STARD4: variants seen among roughly 807,000 people sequenced by gnomAD.
STARD4 encodes StAR related lipid transfer domain containing 4, also known as stAR-related lipid transfer protein 4.
In STARD4, 33 loss-of-function variants were observed where a neutral mutation model predicts 24.9. The ratio of observed to expected loss-of-function variants is 1.32; its 90% confidence interval spans 1.00 to 1.77. The LOEUF is 1.77. STARD4 is among the 40% of genes most tolerant of loss of function. The pLI, the probability that STARD4 is intolerant of heterozygous loss-of-function variation, is 0.00. For synonymous variants in STARD4, 88 were observed against 77.4 expected, an observed-to-expected ratio of 1.14 and a Z score of -0.72; for missense variants, 238 against 249.3, an observed-to-expected ratio of 0.95 and a Z score of 0.31.
chr5:111,511,067 T>C (rs1367676682), intron 1 of STARD4, among the ~76,000 whole-genome samples: 1 of 152,234 alleles, frequency 6.6e-6, no homozygotes, highest in Non-Finnish European at 1.5e-5. Context: ...TAAATTAAAT[T>C]ATATTTTCTA....
intron 3 of STARD4, among the ~76,000 whole-genome samples, chr5:111,503,856 A>G (rs1756649730): frequency 1.3e-5 from 2 of 152,278 alleles, no homozygotes; most frequent in South Asian, 2.1e-4. Context: ...AGGTAGTATA[A>G]CACATATAAA....
chr5:111,499,860 C>A lies in STARD4; in HGVS notation c.*26G>T. On this transcript the variant is annotated 3_prime_UTR_variant, in exon 6 of 6. Transcript: ENST00000296632. The stretch of plus-strand genomic sequence containing the variant: ...TAGCTGAGAGAGTTGATCTGTAGTA[C>A]TACAAGTTTGAATGTATTTTGCCTC... 1 of 1,598,558 alleles carries A rather than the reference C, an allele frequency of 6.3e-7. No homozygotes were observed. Among genetic ancestry groups the A allele is most frequent in the Non-Finnish European group, 8.6e-7 (1 of 1,166,154 alleles).
chr5:111,501,583 T>C (rs1561535679), intron 4 of STARD4, among the ~76,000 whole-genome samples: 1 of 152,236 alleles, frequency 6.6e-6, no homozygotes, highest in Non-Finnish European at 1.5e-5. Context: ...TCTTTGGTCA[T>C]TGATGTTGGC....
intron 3 of STARD4, among the ~76,000 whole-genome samples, chr5:111,504,390 AAAG>A (rs950928723): frequency 3.3e-5 from 5 of 152,224 alleles, no homozygotes; most frequent in Non-Finnish European, 5.9e-5. Context: ...TTTAATAAAA[AAAG>A]GCAAATTACT....
At position 111,498,566 on chromosome 5, in the gene STARD4, A is replaced by G. The variant is rs989492901; in HGVS notation, c.*1320T>C. The stretch of plus-strand genomic sequence containing the variant: ...TTCCATGAGAAACTGAAACTAAACT[A>G]CTGAGTTTTCTTTCACTATTGCAGA... On this transcript the variant is annotated 3_prime_UTR_variant, in exon 6 of 6. Coordinates refer to ENST00000296632, the MANE Select transcript of STARD4 (RefSeq NM_139164.3). 2.0e-5 allele frequency: 3 copies of G among 152,038 alleles called. No individual in the cohort carries two copies. The highest frequency in any genetic ancestry group is 7.2e-5 in the African/African-American group (3 of 41,414). The allele number at this position is 152,038 out of a possible 1,614,324, so 9.4% of individuals were successfully genotyped here.
rs1328612744 is a variant in STARD4, at chr5:111,507,558, ACCCTCAC to A, written c.-9-123_-9-117del. 5 of 650,776 alleles carry A rather than the reference ACCCTCAC, an allele frequency of 7.7e-6. No homozygotes were observed. The highest frequency in any genetic ancestry group is 1.0e-5 in the Non-Finnish European group (4 of 397,386). 40.3% of individuals were successfully genotyped at this position (650,776 alleles called of 1,614,324 possible). On this transcript the variant is annotated intron_variant, in intron 1 of 5. Transcript: ENST00000296632. The surrounding 1 kb of genome is among the most constrained non-coding windows in gnomAD (Gnocchi z 4.4). ...CCTACCAGAGCTATAAAAGATAGCTACCCTCACCCCAAATCAACTAATCATAATCTCT... is the reference window on the plus strand; with the variant it reads ...CCTACCAGAGCTATAAAAGATAGCTACCCAAATCAACTAATCATAATCTCT...
rs779225628 is a variant in STARD4 at position 111,502,076 on chromosome 5, T to C, written c.168A>G (p.Gln56=). The C allele has an allele frequency of 1.2e-6, 2 of 1,610,976 alleles. No individual in the cohort carries two copies. The highest frequency in any genetic ancestry group is 1.7e-6 in the Non-Finnish European group (2 of 1,179,108). The part of the protein sequence containing the change: ...EEFNGYLYKA[Q]GVIDDLVYSI... The stretch of plus-strand genomic sequence containing the variant: ...TATAGACAAGGTCATCTATAACACC[T>C]TGGGCTTTGTAGCTGGAGAAAAAAA... Residue 56 remains glutamine, a synonymous_variant, in exon 4 of 6, where the codon CAA becomes CAG. Coordinates refer to ENST00000296632, the MANE Select transcript of STARD4 (RefSeq NM_139164.3).
rs1475672644 is a variant in STARD4, at chr5:111,497,344, TTAAGA to T, written c.*2537_*2541del. On this transcript the variant is annotated 3_prime_UTR_variant, in exon 6 of 6. Transcript: ENST00000296632. ...TCTAGAGACTAACAAAGATTTCCAT[TTAAGA>T]TATTATTCCGTATTATTGTCTATTT... The T allele has an allele frequency of 6.6e-6, 1 of 152,048 alleles. No individual in the cohort carries two copies. The allele number at this position is 152,048 out of a possible 1,614,324, so 9.4% of individuals were successfully genotyped here. A position where few individuals can be genotyped will look rare whatever the true frequency, so the allele number is the denominator to read the frequency against.
intron 3 of STARD4, chr5:111,504,960 G>C (rs937772074): frequency 2.2e-4 from 97 of 441,128 alleles, no homozygotes; most frequent in African/African-American, 1.9e-3. Context: ...TTTGACTTCT[G>C]TGCTGCGGCC....
chr5:111,503,309 T>G (rs1756601346), intron 3 of STARD4, among the ~76,000 whole-genome samples: 1 of 152,192 alleles, frequency 6.6e-6, no homozygotes, highest in Non-Finnish European at 1.5e-5. Context: ...TAATAATTAA[T>G]TCCAGATAAA....
rs1333072750 is a variant in STARD4, at chr5:111,497,424, C to A, written c.*2462G>T. 3 of 151,944 alleles carry A rather than the reference C, an allele frequency of 2.0e-5. No homozygotes were observed. Among genetic ancestry groups the A allele is most frequent in the Non-Finnish European group, 2.9e-5 (2 of 67,922 alleles). The allele number at this position is 151,944 out of a possible 1,614,324, so 9.4% of individuals were successfully genotyped here. A position where few individuals can be genotyped will look rare whatever the true frequency, so the allele number is the denominator to read the frequency against. On this transcript the variant is annotated 3_prime_UTR_variant, in exon 6 of 6. Coordinates refer to ENST00000296632, the MANE Select transcript of STARD4 (RefSeq NM_139164.3). The stretch of plus-strand genomic sequence containing the variant: ...AAATATGCTATAGGACTGTGCTATT[C>A]AATACAGTATCCACTGGCCTCATGT...
Position 111,498,404 on chromosome 5 carries a change from G to T in STARD4, c.*1482C>A, listed in dbSNP as rs1191033561. On this transcript the variant is annotated 3_prime_UTR_variant, in exon 6 of 6. Coordinates refer to ENST00000296632, the MANE Select transcript of STARD4 (RefSeq NM_139164.3). ...CCCTTATAGTAATGTGTACTATCTTGTCACAAATCCCTTACTCAAGTTAGG... is the reference window on the plus strand; with the variant it reads ...CCCTTATAGTAATGTGTACTATCTTTTCACAAATCCCTTACTCAAGTTAGG... 2.0e-5 allele frequency: 3 copies of T among 151,588 alleles called. No individual in the cohort carries two copies. The highest frequency in any genetic ancestry group is 7.3e-5 in the African/African-American group (3 of 41,244). The allele number at this position is 151,588 out of a possible 1,614,324, so 9.4% of individuals were successfully genotyped here.
intron 1 of STARD4, among the ~76,000 whole-genome samples, chr5:111,510,983 G>A (rs1757222721): frequency 6.6e-6 from 1 of 152,136 alleles, no homozygotes; most frequent in Non-Finnish European, 1.5e-5. Flanking sequence ...GATTAATATG[G>A]TTTTCACTTC....
Position 111,497,856 on chromosome 5 carries a change from TA to T in STARD4, c.*2029del, listed in dbSNP as rs1216758962. The T allele has an allele frequency of 6.6e-6, 1 of 151,998 alleles. No individual in the cohort carries two copies. Among genetic ancestry groups the T allele is most frequent in the Non-Finnish European group, 1.5e-5 (1 of 67,926 alleles). 9.4% of individuals were successfully genotyped at this position (151,998 alleles called of 1,614,324 possible). ...TTAGAATCATGAACACCTCCACTCT[TA>T]AAAATGAAACCAAACATAACCTGCT... On this transcript the variant is annotated 3_prime_UTR_variant, in exon 6 of 6. Coordinates refer to ENST00000296632, the MANE Select transcript of STARD4 (RefSeq NM_139164.3).
chr5:111,506,193 C>CAAAA (rs878865342), intron 3 of STARD4, 137 bp downstream of exon 3: 8 of 81,324 alleles, frequency 9.8e-5, no homozygotes, highest in Non-Finnish European at 1.3e-4. Context: ...GACTCTGTCT[C>CAAAA]AAAAAAAAAA....
At chr5:111,511,299 A>C (rs950705548) in intron 1 of STARD4, among the ~76,000 whole-genome samples, 6 of 152,154 alleles carry the variant, frequency 3.9e-5, no homozygotes, top group African/African-American at 1.2e-4. Flanking sequence ...TAAAAAAAAA[A>C]CCTAATGCTC....
rs963950242 is a variant in STARD4, at chr5:111,496,760, G to A, written c.*3126C>T. 4 of 151,798 alleles carry A rather than the reference G, an allele frequency of 2.6e-5. No homozygotes were observed. The highest frequency in any genetic ancestry group is 6.6e-5 in the Admixed American group (1 of 15,226). 9.4% of individuals were successfully genotyped at this position (151,798 alleles called of 1,614,324 possible). ...AAAAGGAGGAGGAGAGAGAAGGGAG[G>A]GGAAGGAAAAAAATTCTATTAACTA... On this transcript the variant is annotated 3_prime_UTR_variant, in exon 6 of 6. Coordinates refer to ENST00000296632, the MANE Select transcript of STARD4 (RefSeq NM_139164.3).
At position 111,507,509 on chromosome 5, in the gene STARD4, G is replaced by A. The variant is rs944078525; in HGVS notation, c.-9-67C>T. The A allele has an allele frequency of 1.5e-5, 18 of 1,213,278 alleles. No individual in the cohort carries two copies. Among genetic ancestry groups the A allele is most frequent in the South Asian group, 5.5e-5 (4 of 72,934 alleles). 75.2% of individuals were successfully genotyped at this position (1,213,278 alleles called of 1,614,324 possible). The stretch of plus-strand genomic sequence containing the variant: ...TTGAGGCAATAGGCCAGTGGGTCTC[G>A]AATCTGGTTTCACAATATAATAACC... On this transcript the variant is annotated intron_variant, in intron 1 of 5. Coordinates refer to ENST00000296632, the MANE Select transcript of STARD4 (RefSeq NM_139164.3). This position sits in a 1 kb window ranked among gnomAD's most constrained non-coding sequence, Gnocchi z 4.4.
chr5:111,502,450 C>T (rs1005447134), intron 3 of STARD4, among the ~76,000 whole-genome samples: 6 of 149,402 alleles, frequency 4.0e-5, no homozygotes, highest in South Asian at 2.1e-4. Flanking sequence ...GCCTAGGTGA[C>T]GGAGTGAGAT....
Sources: gnomAD v4.1 joint callset for allele counts (sites outside exome capture counted in the v4.1 genomes callset) on GRCh38, gnomAD v4.1.1 for gene constraint, Gnocchi (gnomAD v3.1) non-coding constraint, MANE v1.5 for transcripts, NCBI Gene and HGNC (gene_info 2026-07-23, HGNC 2026-07-21) for gene names.